Variants in TACR2 observed in about 807,000 individuals in gnomAD.
TACR2 encodes the protein tachykinin receptor 2, also known as substance-K receptor.
A neutral mutation model predicts 28.9 loss-of-function variants in TACR2; 24 were observed. The ratio of observed to expected loss-of-function variants is 0.83; its 90% CI spans 0.60 to 1.17. The LOEUF (loss-of-function observed/expected upper bound fraction) is 1.17. TACR2 is among the 50% of genes most tolerant of loss of function. The pLI is 0.00. For missense variants in TACR2, 487 were observed against 524.4 expected (o/e 0.93, Z 0.70); for synonymous variants, 222 against 212.6 (o/e 1.04, Z -0.38).
At chr10:69,408,702 G>T (rs1270410339) in intron 3 of TACR2, among the ~76,000 whole-genome samples, 2 of 152,158 alleles carry the variant, frequency 1.3e-5, no homozygotes, top group Non-Finnish European at 2.9e-5. Context: ...TCGCGCGAAG[G>T]CAGCTTCCGC....
At chr10:69,415,191 C>T in intron 1 of TACR2, 52 bp from the exon 2 acceptor site, 2 of 1,556,758 alleles carry the variant, frequency 1.3e-6, no homozygotes, top group Non-Finnish European at 1.7e-6. Context: ...TAGCCCAGCT[C>T]CCTTTCCCCT....
At chr10:69,409,361 A>C in intron 2 of TACR2, 1 of 289,600 alleles carries the variant, frequency 3.5e-6, no homozygotes. Flanking sequence ...GGAAAAGTGA[A>C]TGAAACAAAT....
chr10:69,411,008 C>T (rs1270057324), intron 2 of TACR2, among the ~76,000 whole-genome samples: 1 of 152,174 alleles, frequency 6.6e-6, no homozygotes, highest in East Asian at 1.9e-4. Context: ...TGGATTTGTT[C>T]TGCCTCCTTC....
At chr10:69,409,904 C>CACAT (rs1394352857) in intron 2 of TACR2, among the ~76,000 whole-genome samples, 4 of 34,674 alleles carry the variant, frequency 1.2e-4, no homozygotes, top group Non-Finnish European at 1.5e-4. Context: ...TATATATATA[C>CACAT]ATATATATAT....
intron 3 of TACR2, 21 bp downstream of exon 3, chr10:69,408,881 TCCAGGCCCCGCCCCCTCCAG>T: frequency 3.9e-5 from 1 of 25,340 alleles, no homozygotes; most frequent in Non-Finnish European, 5.8e-5. Flanking sequence ...CCCCGCCCCC[TCCAGGCCCCGCCCCCTCCAG>T]GCCCCCGCCC....
intron 4 of TACR2, among the ~76,000 whole-genome samples, chr10:69,405,378 AACC>A (rs199588176): frequency 3.6e-5 from 5 of 137,322 alleles, no homozygotes; most frequent in African/African-American, 1.8e-4. Context: ...TAAAAAAACC[AACC>A]AACCAACAAA....
intron 2 of TACR2, among the ~76,000 whole-genome samples, chr10:69,412,486 G>C (rs995094679): frequency 2.0e-5 from 3 of 152,198 alleles, no homozygotes; most frequent in Middle Eastern, 6.3e-3. Flanking sequence ...ACCTATCTCA[G>C]TGTCCAGATA....
At chr10:69,414,172 A>T (rs1167470170) in intron 2 of TACR2, among the ~76,000 whole-genome samples, 1 of 152,160 alleles carries the variant, frequency 6.6e-6, no homozygotes, top group Non-Finnish European at 1.5e-5. Context: ...GTCACACAGC[A>T]GCTGGGCCAT....
In TACR2 at chr10:69,409,077, T is replaced by G; in HGVS notation, c.588-2A>C. 1.9e-6 allele frequency: 3 copies of G among 1,598,752 alleles called. No homozygotes were observed. Among genetic ancestry groups the G allele is most frequent in the Non-Finnish European group, 1.7e-6 (2 of 1,174,616 alleles). ...AGGGCGATCACCACGAGGTGGTACC[T>G]GCAGGGAGAGCCGAGGCCTGGGCAG... On this transcript the variant is annotated splice_acceptor_variant, in intron 2 of 4. Coordinates refer to ENST00000373306, the MANE Select transcript of TACR2 (RefSeq NM_001057.3). LOFTEE classifies it high-confidence loss of function.
chr10:69,415,045 C>A lies in TACR2; in HGVS notation c.487G>T (p.Ala163Ser). The change falls in exon 2 of 5, where the codon GCC becomes TCC. Residue 163 changes from alanine to serine, a missense_variant. By Grantham distance (99) the Ala-to-Ser change is moderately conservative. Coordinates refer to ENST00000373306, the MANE Select transcript of TACR2 (RefSeq NM_001057.3). ...AGIWLVALAL[A>S]SPQCFYSTVT... ...GTGGAGTAGAAGCACTGAGGGGAGGCCAGGGCGAGAGCCACCAGCCAGATG... is the reference window on the plus strand; with the variant it reads ...GTGGAGTAGAAGCACTGAGGGGAGGACAGGGCGAGAGCCACCAGCCAGATG... 1 of 1,613,844 alleles carries A rather than the reference C, an allele frequency of 6.2e-7. No individual in the cohort carries two copies.
intron 3 of TACR2, among the ~76,000 whole-genome samples, 169 bp downstream of exon 3, chr10:69,408,753 C>T (rs750097488): frequency 8.1e-4 from 123 of 152,158 alleles, no homozygotes; most frequent in Non-Finnish European, 1.4e-3. Context: ...GGCCTTGAGA[C>T]CGTAAGGGCG....
Position 69,415,015 on chromosome 10 carries a change from T to C in TACR2, c.517A>G (p.Thr173Ala). The change falls in exon 2 of 5, where the codon ACC becomes GCC. Residue 173 changes from threonine to alanine, a missense_variant. Transcript: ENST00000373306. Reference protein sequence around the residue: ...ASPQCFYSTVTMDQGATKCVV... With the variant: ...ASPQCFYSTVAMDQGATKCVV... ...CACTTGGTGGCACCCTGGTCCATGG[T>C]GACGGTGGAGTAGAAGCACTGAGGG... The C allele has an allele frequency of 6.2e-7, 1 of 1,613,822 alleles. No individual in the cohort carries two copies. The highest frequency in any genetic ancestry group is 2.2e-5 in the East Asian group (1 of 44,870).
At chr10:69,414,895 A>G in intron 2 of TACR2, 50 bp downstream of exon 2, 1 of 1,559,846 alleles carries the variant, frequency 6.4e-7, no homozygotes, top group Non-Finnish European at 8.7e-7. Context: ...ACACACACAC[A>G]GACTCACACA....
At position 69,416,173 on chromosome 10, in the gene TACR2, T is replaced by C. The variant is rs2133013887; in HGVS notation, c.151A>G (p.Asn51Asp). Reference protein sequence around the residue: ...LALVLVAVTGNAIVIWIILAH... With the variant: ...LALVLVAVTGDAIVIWIILAH... ...AGGATGATCCAGATGACGATGGCAT[T>C]ACCCGTCACGGCCACCAGCACCAGG... Residue 51 changes from asparagine to aspartate, a missense_variant, in exon 1 of 5, where the codon AAT becomes GAT. Coordinates refer to ENST00000373306, the MANE Select transcript of TACR2 (RefSeq NM_001057.3). 1.2e-6 allele frequency: 2 copies of C among 1,614,160 alleles called. No homozygotes were observed. Among genetic ancestry groups the C allele is most frequent in the South Asian group, 2.2e-5 (2 of 91,084 alleles).
At chr10:69,409,907 A>ATATATG (rs1840551391) in intron 2 of TACR2, among the ~76,000 whole-genome samples, 1 of 16,650 alleles carries the variant, frequency 6.0e-5, no homozygotes, top group African/African-American at 2.2e-4. Flanking sequence ...ATATATACAT[A>ATATATG]TATATATATA....
intron 4 of TACR2, 134 bp downstream of exon 4, chr10:69,406,950 C>T: frequency 2.2e-6 from 2 of 892,370 alleles, no homozygotes; most frequent in Non-Finnish European, 3.5e-6. Flanking sequence ...ACGGCTTTCT[C>T]ATGTAGGCTG....
At chr10:69,413,594 C>T (rs951875993) in intron 2 of TACR2, among the ~76,000 whole-genome samples, 1 of 152,214 alleles carries the variant, frequency 6.6e-6, no homozygotes, top group Non-Finnish European at 1.5e-5. Flanking sequence ...ACTCGCCAGT[C>T]CCCAGGAACG....
At chr10:69,408,149 CGG>C (rs936711569) in intron 3 of TACR2, among the ~76,000 whole-genome samples, 19 of 152,080 alleles carry the variant, frequency 1.2e-4, no homozygotes, top group African/African-American at 4.6e-4. Context: ...TCAGGACCTT[CGG>C]GGGACCCTGG....
intron 4 of TACR2, 29 bp downstream of exon 4, chr10:69,407,055 C>A: frequency 6.2e-7 from 1 of 1,610,862 alleles, no homozygotes; most frequent in Non-Finnish European, 8.5e-7. Flanking sequence ...GCCCTGAGGG[C>A]AGAGGGTGGG....
Sources: gnomAD v4.1 joint callset for allele counts (sites outside exome capture counted in the v4.1 genomes callset) on GRCh38, gnomAD v4.1.1 for gene constraint, MANE v1.5 for transcripts, NCBI Gene and HGNC (gene_info 2026-07-23, HGNC 2026-07-21) for gene names.